CLVS1: variants seen among roughly 807,000 people sequenced by gnomAD.
CLVS1 encodes the protein clavesin-1.
A neutral mutation model predicts 33.1 loss-of-function variants in CLVS1; 10 were observed. That is an observed-to-expected ratio of 0.30 (90% confidence interval 0.19 to 0.51). The LOEUF (loss-of-function observed/expected upper bound fraction) is 0.51. CLVS1 is among the 20% of genes least tolerant of loss of function. The pLI is 0.97. For synonymous variants in CLVS1, 163 were observed against 166.1 expected (o/e 0.98, Z 0.14); for missense variants, 343 against 433.4 (o/e 0.79, Z 1.85).
intron 5 of CLVS1, among the ~76,000 whole-genome samples, chr8:61,490,446 ATC>A (rs1804032626): frequency 7.9e-5 from 12 of 151,898 alleles, no homozygotes; most frequent in African/African-American, 2.9e-4. Flanking sequence ...AGGCCTGTGC[ATC>A]ACCAGGTCAA....
At chr8:61,231,581 C>T (rs551464533) in intron 2 of CLVS1, among the ~76,000 whole-genome samples, 11 of 120,972 alleles carry the variant, frequency 9.1e-5, no homozygotes, top group Non-Finnish European at 5.5e-5. Context: ...AGTTTCACCT[C>T]CTAAGTATAA....
intron 1 of CLVS1, among the ~76,000 whole-genome samples, chr8:61,296,392 G>T (rs775653667): frequency 3.3e-5 from 5 of 152,186 alleles, no homozygotes; most frequent in Non-Finnish European, 5.9e-5. Context: ...TGAACCCATA[G>T]TAAATTATCT....
In CLVS1 at chr8:61,190,457, G is replaced by T. The variant is rs1028400039; in HGVS notation, c.-152+58597G>T. ...AAATTGACACCCTAACATCACAATTGAAAGAACTAGGGAAGCAAGAGCAAA... is the reference window on the plus strand; with the variant it reads ...AAATTGACACCCTAACATCACAATTTAAAGAACTAGGGAAGCAAGAGCAAA... On this transcript the variant is annotated intron_variant, in intron 2 of 2. Coordinates refer to the CLVS1 transcript ENST00000522621. 1.2e-3 allele frequency among the ~76,000 whole-genome samples: 176 copies of T among 152,094 alleles called. 1 individual carries two copies. The highest frequency in any genetic ancestry group is 3.9e-3 in the African/African-American group (160 of 41,514).
chr8:61,162,805 C>T (rs889972116), intron 2 of CLVS1, among the ~76,000 whole-genome samples: 4 of 152,082 alleles, frequency 2.6e-5, no homozygotes, highest in African/African-American at 9.7e-5. Context: ...TTGAGCTAGC[C>T]TTTTGTCTTG....
intron 2 of CLVS1, among the ~76,000 whole-genome samples, chr8:61,185,390 G>A (rs1166627606): frequency 1.3e-5 from 2 of 150,536 alleles, no homozygotes; most frequent in Non-Finnish European, 2.9e-5. Context: ...CTGGCTTCAA[G>A]CTATCCTCCC....
chr8:61,259,725 G>A (rs1563466826), intron 2 of CLVS1, among the ~76,000 whole-genome samples: 1 of 152,352 alleles, frequency 6.6e-6, no homozygotes, highest in East Asian at 1.9e-4. Context: ...GAAAACTGGT[G>A]CTGGTTGGGC....
chr8:61,011,332 C>T, the CLVS1 span, among the ~76,000 whole-genome samples: 1 of 152,318 alleles, frequency 6.6e-6, no homozygotes, highest in Middle Eastern at 3.4e-3. Context: ...TGGTACTCCT[C>T]TCTTCTCTAA....
At chr8:61,221,299 AG>A (rs1049828208) in intron 2 of CLVS1, among the ~76,000 whole-genome samples, 2 of 152,200 alleles carry the variant, frequency 1.3e-5, no homozygotes, top group African/African-American at 4.8e-5. Context: ...TTGCCCATTC[AG>A]TATGATATTG....
intron 2 of CLVS1, among the ~76,000 whole-genome samples, chr8:61,366,396 T>C: frequency 6.6e-6 from 1 of 152,336 alleles, no homozygotes; most frequent in Admixed American, 6.5e-5. Context: ...ACATTAACCT[T>C]ATGTGAATGC....
chr8:61,292,385 C>T (rs1404775879), intron 1 of CLVS1: 10 of 456,058 alleles, frequency 2.2e-5, no homozygotes, highest in East Asian at 6.9e-5. Context: ...AGAAGGGTCA[C>T]GGTTACATGG....
intron 2 of CLVS1, among the ~76,000 whole-genome samples, chr8:61,249,923 G>C (rs1359581226): frequency 6.6e-6 from 1 of 152,058 alleles, no homozygotes; most frequent in South Asian, 2.1e-4. Flanking sequence ...AGTTTAATTC[G>C]ATCCCATTTG....
At chr8:61,300,325 A>C in intron 2 of CLVS1, 43 bp downstream of exon 2, 1 of 1,519,330 alleles carries the variant, frequency 6.6e-7, no homozygotes, top group East Asian at 2.3e-5. Flanking sequence ...CTTTGCTATA[A>C]GCATTATCAC....
intron 3 of CLVS1, among the ~76,000 whole-genome samples, chr8:61,441,238 C>T (rs1312617411): frequency 2.6e-5 from 4 of 152,178 alleles, no homozygotes; most frequent in Admixed American, 2.6e-4. Context: ...GCTTATACCA[C>T]CTGCAGATCT....
intron 2 of CLVS1, among the ~76,000 whole-genome samples, chr8:61,191,238 C>T (rs920240653): frequency 3.9e-5 from 6 of 152,038 alleles, no homozygotes; most frequent in Middle Eastern, 3.2e-3. Context: ...AATCAATAAA[C>T]GTAATCCAGC....
chr8:61,328,077 T>G (rs1811449193), intron 2 of CLVS1, among the ~76,000 whole-genome samples: 1 of 152,220 alleles, frequency 6.6e-6, no homozygotes, highest in Non-Finnish European at 1.5e-5. Context: ...CCAAGCACAC[T>G]GTAAGTTAGG....
chr8:61,114,970 T>C (rs1243288857), intron 1 of CLVS1, among the ~76,000 whole-genome samples: 1 of 152,252 alleles, frequency 6.6e-6, no homozygotes, highest in Non-Finnish European at 1.5e-5. Flanking sequence ...TACAATTTTC[T>C]GCGTTGTCAT....
At chr8:61,415,977 G>T (rs532615855) in intron 3 of CLVS1, among the ~76,000 whole-genome samples, 9 of 152,260 alleles carry the variant, frequency 5.9e-5, no homozygotes, top group African/African-American at 2.2e-4. Context: ...TGAATCCTCT[G>T]TAACACTCAT....
the CLVS1 span, among the ~76,000 whole-genome samples, chr8:60,984,359 C>T: frequency 1.4e-5 from 2 of 143,206 alleles, no homozygotes; most frequent in African/African-American, 2.6e-5. Context: ...CCGCTTTTGT[C>T]ACCCAGGCTG....
chr8:61,421,449 C>G (rs565268013), intron 3 of CLVS1, among the ~76,000 whole-genome samples: 1 of 152,322 alleles, frequency 6.6e-6, no homozygotes, highest in Non-Finnish European at 1.5e-5. Flanking sequence ...ATAGAGCCAT[C>G]CTCCACCTAC....
Sources: allele counts gnomAD v4.1 joint callset (sites outside exome capture counted in the v4.1 genomes callset), GRCh38; gene constraint gnomAD v4.1.1; transcripts MANE v1.5; gene names NCBI Gene and HGNC (gene_info 2026-07-23, HGNC 2026-07-21).